Variants in TECRL observed in about 807,000 individuals in gnomAD.
The protein encoded by TECRL is trans-2,3-enoyl-CoA reductase like.
A neutral mutation model predicts 52.8 loss-of-function variants in TECRL; 63 were observed. That is an observed-to-expected ratio of 1.19 (90% CI 0.97 to 1.47). The LOEUF is 1.47. TECRL is among the 40% of genes most tolerant of loss of function. The probability of loss-of-function intolerance (pLI) is 0.00; values close to 1 mark genes in which losing one functional copy is unlikely to be tolerated. For missense variants in TECRL, 482 were observed against 429.6 expected, an observed-to-expected ratio of 1.12 and a Z score of -1.08; for synonymous variants, 164 against 141.9, an observed-to-expected ratio of 1.16 and a Z score of -1.10.
At chr4:64,280,298 T>G in intron 11 of TECRL, 99 bp from the exon 12 acceptor site, 1 of 972,102 alleles carries the variant, frequency 1.0e-6, no homozygotes, top group Non-Finnish European at 1.4e-6. Flanking sequence ...AAGATGTTTC[T>G]CAAATGTTGC....
chr4:64,298,298 T>A (rs993390981), intron 8 of TECRL, among the ~76,000 whole-genome samples: 30 of 151,218 alleles, frequency 2.0e-4, no homozygotes, highest in Admixed American at 1.9e-3. Flanking sequence ...TTTGTCTAAT[T>A]TAGCATCTTT....
chr4:64,305,000 C>A, intron 7 of TECRL, 166 bp downstream of exon 7: 1 of 446,684 alleles, frequency 2.2e-6, no homozygotes, highest in South Asian at 6.9e-5. Context: ...ATATATGAGT[C>A]AAATTGGTCT....
chr4:64,342,671 C>G (rs1438169423), intron 2 of TECRL, among the ~76,000 whole-genome samples: 1 of 151,634 alleles, frequency 6.6e-6, no homozygotes, highest in Non-Finnish European at 1.5e-5. Flanking sequence ...ATCTGTGAAA[C>G]AAACAATAAA....
At chr4:64,356,558 C>G (rs1161919319) in intron 2 of TECRL, among the ~76,000 whole-genome samples, 1 of 152,174 alleles carries the variant, frequency 6.6e-6, no homozygotes, top group Non-Finnish European at 1.5e-5. Context: ...ACATGCATAT[C>G]CAGGCATAGT....
intron 3 of TECRL, among the ~76,000 whole-genome samples, chr4:64,325,694 G>T (rs1282122309): frequency 6.6e-6 from 1 of 151,890 alleles, no homozygotes; most frequent in African/African-American, 2.4e-5. Flanking sequence ...AATTCAGCTG[G>T]CTTTGTATCA....
intron 4 of TECRL, among the ~76,000 whole-genome samples, chr4:64,317,830 A>G (rs1213150364): frequency 6.6e-6 from 1 of 152,178 alleles, no homozygotes; most frequent in African/African-American, 2.4e-5. Flanking sequence ...AAGGTCAAAA[A>G]TGTTGAAATG....
At chr4:64,331,888 A>G (rs1718664526) in intron 2 of TECRL, among the ~76,000 whole-genome samples, 1 of 152,136 alleles carries the variant, frequency 6.6e-6, no homozygotes, top group African/African-American at 2.4e-5. Flanking sequence ...TAAATGATAT[A>G]ACATGTTCAC....
chr4:64,313,441 C>T (rs1286845732), intron 5 of TECRL, among the ~76,000 whole-genome samples: 1 of 146,744 alleles, frequency 6.8e-6, no homozygotes, highest in East Asian at 2.0e-4. Flanking sequence ...CTAAACACCA[C>T]AATTATATAG....
chr4:64,361,191 A>C (rs890063367), intron 2 of TECRL, among the ~76,000 whole-genome samples: 2 of 152,072 alleles, frequency 1.3e-5, no homozygotes, highest in Non-Finnish European at 2.9e-5. Flanking sequence ...TATCCACCAG[A>C]GTGCTTTTGC....
At chr4:64,289,908 A>G in intron 8 of TECRL, 141 bp from the exon 9 acceptor site, 1 of 507,854 alleles carries the variant, frequency 2.0e-6, no homozygotes, top group Non-Finnish European at 3.2e-6. Context: ...AATCATAAAG[A>G]GAAATTTTTT....
chr4:64,388,330 T>G (rs1359334442), intron 1 of TECRL, among the ~76,000 whole-genome samples: 2 of 151,762 alleles, frequency 1.3e-5, no homozygotes, highest in African/African-American at 2.4e-5. Context: ...ATCAGTTGAC[T>G]GTATTTAGAT....
chr4:64,280,885 T>C (rs1248975299), intron 11 of TECRL, among the ~76,000 whole-genome samples, 156 bp downstream of exon 11: 5 of 152,148 alleles, frequency 3.3e-5, no homozygotes, highest in African/African-American at 2.4e-5. Flanking sequence ...AGTACTTCAA[T>C]ATATTTTAAT....
At chr4:64,389,011 T>A (rs749053571) in intron 1 of TECRL, among the ~76,000 whole-genome samples, 3 of 151,892 alleles carry the variant, frequency 2.0e-5, no homozygotes, top group Non-Finnish European at 4.4e-5. Context: ...ACTGTTTGTT[T>A]CCTTGGGTTT....
At chr4:64,319,222 A>C (rs963234826) in intron 4 of TECRL, among the ~76,000 whole-genome samples, 1 of 151,846 alleles carries the variant, frequency 6.6e-6, no homozygotes, top group Non-Finnish European at 1.5e-5. Flanking sequence ...AAGGTAAGAA[A>C]AAAAGAGAAA....
chr4:64,379,251 C>CACACACACACACACACACACACAT (rs1197231388), intron 1 of TECRL, among the ~76,000 whole-genome samples: 67 of 7,744 alleles, frequency 8.7e-3, no homozygotes, highest in African/African-American at 0.015. Context: ...CACACATACA[C>CACACACACACACACACACACACAT]ACACACACAC....
intron 2 of TECRL, among the ~76,000 whole-genome samples, chr4:64,355,127 T>C (rs965496832): frequency 1.3e-5 from 2 of 152,082 alleles, no homozygotes; most frequent in African/African-American, 2.4e-5. Flanking sequence ...TTAAGCTGCA[T>C]TTCAGAGGCC....
chr4:64,369,391 T>C (rs2109651985), intron 2 of TECRL, among the ~76,000 whole-genome samples: 1 of 152,272 alleles, frequency 6.6e-6, no homozygotes, highest in South Asian at 2.1e-4. Flanking sequence ...ATTTCAGTTA[T>C]TGTAACCAAT....
At chr4:64,282,894 GTTA>G (rs1722896734) in intron 9 of TECRL, among the ~76,000 whole-genome samples, 1 of 151,912 alleles carries the variant, frequency 6.6e-6, no homozygotes, top group African/African-American at 2.4e-5. Flanking sequence ...TCAACCTATA[GTTA>G]TTATAATAGA....
At chr4:64,355,187 A>G (rs1281420628) in intron 2 of TECRL, among the ~76,000 whole-genome samples, 1 of 152,168 alleles carries the variant, frequency 6.6e-6, no homozygotes, top group Non-Finnish European at 1.5e-5. Context: ...ACAAAGAAGA[A>G]TGAAAAGTAA....
Sources: gnomAD v4.1 joint callset for allele counts (sites outside exome capture counted in the v4.1 genomes callset) on GRCh38, gnomAD v4.1.1 for gene constraint, MANE v1.5 for transcripts, NCBI Gene and HGNC (gene_info 2026-07-23, HGNC 2026-07-21) for gene names.